Variants in MYRIP observed in about 807,000 individuals in gnomAD.
The protein encoded by MYRIP is rab effector MyRIP.
Under a neutral mutation model 98.0 loss-of-function variants are expected in MYRIP, and 49 were observed. The observed-to-expected ratio is 0.50, with a 90% CI of 0.40 to 0.63. The LOEUF is 0.63. MYRIP is among the 30% of genes least tolerant of loss of function. The pLI, the probability that MYRIP is intolerant of heterozygous loss-of-function variation, is 0.00. For missense variants in MYRIP, 1,004 were observed against 1,058.2 expected, an observed-to-expected ratio of 0.95 and a Z score of 0.71; for synonymous variants, 404 against 409.5, an observed-to-expected ratio of 0.99 and a Z score of 0.16.
intron 11 of MYRIP, among the ~76,000 whole-genome samples, chr3:40,231,796 A>G (rs1032812588): frequency 6.6e-6 from 1 of 151,994 alleles, no homozygotes; most frequent in African/African-American, 2.4e-5. Flanking sequence ...TTGGTCATAT[A>G]TCTTTCTTTT....
At chr3:40,113,191 T>C (rs12632839) in intron 3 of MYRIP, among the ~76,000 whole-genome samples, 79,958 of 152,166 alleles carry the variant, frequency 0.53, 21,292 homozygotes, top group Admixed American at 0.61. Flanking sequence ...TTGCCCAAGC[T>C]GGAGTGCAGT....
At chr3:40,198,695 AT>A (rs1014220181) in intron 10 of MYRIP, among the ~76,000 whole-genome samples, 27 of 152,212 alleles carry the variant, frequency 1.8e-4, no homozygotes, top group African/African-American at 6.3e-4. Flanking sequence ...CCAATGTTTC[AT>A]TTTTGGTTAT....
chr3:40,065,036 T>C (rs1948097461), intron 3 of MYRIP, among the ~76,000 whole-genome samples: 1 of 152,072 alleles, frequency 6.6e-6, no homozygotes, highest in South Asian at 2.1e-4. Flanking sequence ...ACTGGGTGGG[T>C]TAAAAAACAG....
At chr3:39,829,472 T>C (rs1418867797) in intron 1 of MYRIP, among the ~76,000 whole-genome samples, 1 of 152,160 alleles carries the variant, frequency 6.6e-6, no homozygotes, top group Admixed American at 6.5e-5. Flanking sequence ...GTAGTTCCTG[T>C]TCTGTTTTTT....
chr3:39,851,705 G>C (rs1019340345), intron 1 of MYRIP, among the ~76,000 whole-genome samples: 2 of 152,188 alleles, frequency 1.3e-5, no homozygotes, highest in Non-Finnish European at 2.9e-5. Context: ...TCATTTGTCA[G>C]AAATAAAATC....
intron 9 of MYRIP, 123 bp downstream of exon 9, chr3:40,182,496 C>CATGACT: frequency 8.8e-7 from 1 of 1,136,364 alleles, no homozygotes; most frequent in Non-Finnish European, 1.2e-6. Context: ...GTGTGTCCCT[C>CATGACT]TGGGCTACCA....
chr3:39,884,367 C>G (rs1943234272), intron 1 of MYRIP, among the ~76,000 whole-genome samples: 1 of 152,066 alleles, frequency 6.6e-6, no homozygotes, highest in African/African-American at 2.4e-5. Context: ...GTTAAGTTGG[C>G]TGGGCCACAG....
At position 40,247,326 on chromosome 3, in the gene MYRIP, G is replaced by A. The variant is rs564110182; in HGVS notation, c.2262+2719G>A. ...AATAATGTTATCAATAATTCCCAAT[G>A]TTCTGTGAGCGTTATTTTGTACTAG... is the stretch of plus-strand genomic sequence containing the variant. On this transcript the variant is annotated intron_variant, in intron 13 of 16. Transcript: ENST00000302541. Among the ~76,000 whole-genome samples, 17 of 152,146 alleles carry A rather than the reference G, an allele frequency of 1.1e-4. No homozygotes were observed. In the East Asian group the frequency reaches 2.5e-3, roughly 22 times the overall value.
chr3:39,970,388 A>C (rs1241993847), intron 2 of MYRIP: 1 of 152,174 alleles, frequency 6.6e-6, no homozygotes, highest in Non-Finnish European at 1.5e-5. Context: ...ATTTCATAAC[A>C]GGGAAATAGA....
At position 39,998,951 on chromosome 3, in the gene MYRIP, G is replaced by T. The variant is rs570613846; in HGVS notation, c.111-45099G>T. 2.0e-3 allele frequency among the ~76,000 whole-genome samples: 299 copies of T among 152,198 alleles called. 2 individuals are homozygous for T. In the South Asian group the frequency reaches 0.041, roughly 21 times the overall value. ...AAAGGATTCCCTCTTTAATAAATGG[G>T]GCTGGGAAAACTGGCTAGCCACATG... On this transcript the variant is annotated intron_variant, in intron 2 of 16. Transcript: ENST00000302541.
At chr3:39,823,489 T>A (rs1358028693) in intron 1 of MYRIP, among the ~76,000 whole-genome samples, 1 of 152,222 alleles carries the variant, frequency 6.6e-6, no homozygotes, top group Non-Finnish European at 1.5e-5. Flanking sequence ...AAGTGTTTTC[T>A]TTCCTCCACA....
At chr3:39,892,891 C>T (rs1230423589) in intron 1 of MYRIP, among the ~76,000 whole-genome samples, 1 of 152,124 alleles carries the variant, frequency 6.6e-6, no homozygotes, top group Non-Finnish European at 1.5e-5. Context: ...CATGGGTGCT[C>T]AGATAAATAA....
At chr3:40,030,305 C>G (rs1947230903) in intron 2 of MYRIP, among the ~76,000 whole-genome samples, 1 of 152,016 alleles carries the variant, frequency 6.6e-6, no homozygotes, top group African/African-American at 2.4e-5. Flanking sequence ...CCTCACACCC[C>G]CTAAGATGGC....
At position 39,828,845 on chromosome 3, in the gene MYRIP, T is replaced by C. The variant is rs1192746642; in HGVS notation, c.-31+18929T>C. 3.9e-5 allele frequency among the ~76,000 whole-genome samples: 6 copies of C among 152,336 alleles called. No homozygotes were observed. The East Asian group carries it at 1.2e-3, about 29-fold the overall frequency. ...TATGGCTGAGTAGTATTCCATCATA[T>C]ATATATCAGAGTTTCTTTATCCACT... On this transcript the variant is annotated intron_variant, in intron 1 of 16. Transcript: ENST00000302541.
intron 1 of MYRIP, among the ~76,000 whole-genome samples, chr3:39,828,342 C>A (rs1317771101): frequency 6.6e-6 from 1 of 151,930 alleles, no homozygotes; most frequent in Non-Finnish European, 1.5e-5. Flanking sequence ...TCTTTAAGTT[C>A]AGAAATTATT....
At chr3:40,059,852 T>C (rs1947969720) in intron 3 of MYRIP, among the ~76,000 whole-genome samples, 1 of 152,198 alleles carries the variant, frequency 6.6e-6, no homozygotes, top group Admixed American at 6.5e-5. Context: ...CATGTTGAGA[T>C]GACAACTCCA....
In MYRIP at chr3:40,164,222, C is replaced by T. The variant is rs77559975; in HGVS notation, c.550+1412C>T. Among the ~76,000 whole-genome samples the T allele has an allele frequency of 3.5e-3, 533 of 152,312 alleles. 4 individuals are homozygous for T. The highest frequency in any genetic ancestry group is 0.012 in the African/African-American group (512 of 41,560). ...TTACACTTTTCTTTCCATTCCACAG[C>T]CCATATCCTGCATACCTCTCTGCTC... is the stretch of plus-strand genomic sequence containing the variant. On this transcript the variant is annotated intron_variant, in intron 5 of 16. Coordinates refer to ENST00000302541, the MANE Select transcript of MYRIP (RefSeq NM_015460.4).
intron 7 of MYRIP, among the ~76,000 whole-genome samples, chr3:40,169,422 T>A (rs1341745375): frequency 6.6e-6 from 1 of 152,204 alleles, no homozygotes; most frequent in African/African-American, 2.4e-5. Flanking sequence ...TAAATCCAAA[T>A]GACTGTGCAA....
intron 11 of MYRIP, among the ~76,000 whole-genome samples, chr3:40,212,262 G>GTA (rs1321514161): frequency 9.9e-5 from 10 of 100,884 alleles, no homozygotes; most frequent in South Asian, 6.4e-4. Flanking sequence ...ATATATACAC[G>GTA]TATATATATA....
Sources: gnomAD v4.1 joint callset for allele counts (sites outside exome capture counted in the v4.1 genomes callset) on GRCh38, gnomAD v4.1.1 for gene constraint, MANE v1.5 for transcripts, NCBI Gene and HGNC (gene_info 2026-07-23, HGNC 2026-07-21) for gene names.